The following MMD2 variants were observed in gnomAD, a reference collection of about 807,000 sequenced individuals.
The protein encoded by MMD2 is monocyte to macrophage differentiation associated 2, also known as monocyte to macrophage differentiation factor 2.
In MMD2, 30 loss-of-function variants were observed where a neutral mutation model predicts 33.5. That is an observed-to-expected ratio of 0.90 (90% CI 0.67 to 1.22). The LOEUF (loss-of-function observed/expected upper bound fraction) is 1.22, where lower values mean the gene tolerates loss of function less well. Ranked by LOEUF, MMD2 falls within the 50% of genes most tolerant of loss-of-function variation. The pLI is 0.00. For synonymous variants in MMD2, 129 were observed against 123.0 expected (o/e 1.05, Z -0.32); for missense variants, 364 against 325.4 (o/e 1.12, Z -0.91).
At chr7:4,947,398 CT>C (rs34054867) in intron 1 of MMD2, among the ~76,000 whole-genome samples, 54 of 143,488 alleles carry the variant, frequency 3.8e-4, no homozygotes, top group South Asian at 4.4e-4. Context: ...GTGCTATGCA[CT>C]TTTTTTTTTT....
chr7:4,919,741 C>T (rs1352019741), intron 3 of MMD2, among the ~76,000 whole-genome samples: 1 of 151,910 alleles, frequency 6.6e-6, no homozygotes, highest in Non-Finnish European at 1.5e-5. Context: ...CAAAAAAATA[C>T]AAAAATTAGC....
chr7:4,892,616 A>AAATC, the MMD2 span, among the ~76,000 whole-genome samples: 543 of 150,176 alleles, frequency 3.6e-3, 8 homozygotes, highest in Admixed American at 0.025. Context: ...ATAAATAAAT[A>AAATC]AATCTGAAAA....
chr7:4,902,408 G>T (rs1268525431), downstream of MMD2, among the ~76,000 whole-genome samples: 1 of 152,228 alleles, frequency 6.6e-6, no homozygotes, highest in Non-Finnish European at 1.5e-5. Flanking sequence ...CCGCTGGTTA[G>T]AAGCTGGGTG....
At chr7:4,921,691 T>C (rs1785290243) in intron 2 of MMD2, among the ~76,000 whole-genome samples, 1 of 150,764 alleles carries the variant, frequency 6.6e-6, no homozygotes, top group African/African-American at 2.4e-5. Flanking sequence ...CAGGACTCAC[T>C]GAACGCAATC....
chr7:4,954,965 A>G (rs944439737), intron 1 of MMD2, among the ~76,000 whole-genome samples: 15 of 152,152 alleles, frequency 9.9e-5, no homozygotes, highest in Non-Finnish European at 1.9e-4. Context: ...AGTACCACTT[A>G]TCCAATAGAT....
At position 4,909,880 on chromosome 7, in the gene MMD2, C is replaced by G. The variant is rs1457253030; in HGVS notation, c.537+1G>C. ...ATCTATGCAGGGCTGGCAGCACTTA[C>G]CATGGAGAGGATGACCAGGGCGGGG... On this transcript the variant is annotated splice_donor_variant, in intron 6 of 6. Transcript: ENST00000401401. LOFTEE classifies it high-confidence loss of function. 1 of 1,611,610 alleles carries G rather than the reference C, an allele frequency of 6.2e-7. No homozygotes were observed.
At chr7:4,917,262 T>G (rs559691466) in intron 3 of MMD2, among the ~76,000 whole-genome samples, 1 of 152,246 alleles carries the variant, frequency 6.6e-6, no homozygotes, top group African/African-American at 2.4e-5. Flanking sequence ...AGGTCTCAGC[T>G]TCCTTCTCTG....
chr7:4,943,251 C>T (rs967490913), intron 1 of MMD2, among the ~76,000 whole-genome samples: 3 of 151,948 alleles, frequency 2.0e-5, no homozygotes, highest in Admixed American at 6.6e-5. Context: ...CCTTGTGATC[C>T]GCCTGCCTCA....
intron 1 of MMD2, among the ~76,000 whole-genome samples, chr7:4,930,764 T>A (rs60684017): frequency 6.6e-6 from 1 of 152,014 alleles, no homozygotes; most frequent in Admixed American, 6.6e-5. Context: ...AATATCTGCT[T>A]TTGTAAGCCG....
chr7:4,935,694 A>C (rs1185603948), intron 1 of MMD2, among the ~76,000 whole-genome samples: 4 of 150,704 alleles, frequency 2.7e-5, no homozygotes, highest in East Asian at 3.9e-4. Flanking sequence ...AAAAAAAAAA[A>C]AAACCAAAAA....
chr7:4,938,914 T>C (rs1003191445), intron 1 of MMD2, among the ~76,000 whole-genome samples: 4 of 151,886 alleles, frequency 2.6e-5, no homozygotes, highest in Admixed American at 2.6e-4. Flanking sequence ...TGCATCAAAG[T>C]TGGGGAGGGG....
At chr7:4,919,788 C>T (rs528050693) in intron 3 of MMD2, among the ~76,000 whole-genome samples, 3 of 152,116 alleles carry the variant, frequency 2.0e-5, no homozygotes, top group East Asian at 1.9e-4. Context: ...CCCAGCTACT[C>T]GGGAGGCTGA....
chr7:4,953,533 A>C (rs1404770384), intron 1 of MMD2, among the ~76,000 whole-genome samples: 2 of 149,498 alleles, frequency 1.3e-5, no homozygotes, highest in Non-Finnish European at 3.0e-5. Context: ...TGCAGTGGCA[A>C]GATCTTGGCT....
chr7:4,932,118 T>C (rs1785604649), intron 1 of MMD2, among the ~76,000 whole-genome samples: 1 of 152,166 alleles, frequency 6.6e-6, no homozygotes, highest in African/African-American at 2.4e-5. Context: ...GCCACATGGG[T>C]CCCAGGGTGA....
chr7:4,952,245 C>G (rs1354123820), intron 1 of MMD2, among the ~76,000 whole-genome samples: 2 of 152,226 alleles, frequency 1.3e-5, no homozygotes, highest in Admixed American at 1.3e-4. Context: ...CCATCCCCTG[C>G]TCATTCCTGA....
intron 1 of MMD2, among the ~76,000 whole-genome samples, chr7:4,928,218 C>G (rs187187186): frequency 2.0e-3 from 302 of 152,316 alleles, no homozygotes; most frequent in Non-Finnish European, 3.0e-3. Flanking sequence ...GTAGACTGCC[C>G]CCCAAACAAA....
In MMD2 at chr7:4,907,123, T is replaced by G; in HGVS notation, c.*273A>C. The G allele has an allele frequency of 2.4e-6, 1 of 424,112 alleles. No homozygotes were observed. Among genetic ancestry groups the G allele is most frequent in the South Asian group, 2.7e-5 (1 of 36,948 alleles). The allele number at this position is 424,112 out of a possible 1,614,324, so 26.3% of individuals were successfully genotyped here. A position where few individuals can be genotyped will look rare whatever the true frequency, so the allele number is the denominator to read the frequency against. ...TTCCAGGACCATGCCTGCTTCCTTT[T>G]CTGAAGATGTTAATGTTGCTTGTAT... is the stretch of plus-strand genomic sequence containing the variant. On this transcript the variant is annotated 3_prime_UTR_variant, in exon 7 of 7. Coordinates refer to ENST00000401401, the MANE Select transcript of MMD2 (RefSeq NM_198403.4).
intron 1 of MMD2, among the ~76,000 whole-genome samples, chr7:4,937,133 C>G (rs940354172): frequency 2.6e-5 from 4 of 151,500 alleles, no homozygotes; most frequent in Admixed American, 6.6e-5. Flanking sequence ...CATGGTGGCT[C>G]ATGCCTGCAA....
At chr7:4,920,382 G>T in intron 2 of MMD2, 51 bp from the exon 3 acceptor site, 1 of 1,566,834 alleles carries the variant, frequency 6.4e-7, no homozygotes, top group African/African-American at 1.3e-5. Flanking sequence ...GTGGCTCAGA[G>T]CACACCTCCT....
Sources: allele counts gnomAD v4.1 joint callset (sites outside exome capture counted in the v4.1 genomes callset), GRCh38; gene constraint gnomAD v4.1.1; transcripts MANE v1.5; gene names NCBI Gene and HGNC (gene_info 2026-07-23, HGNC 2026-07-21).